Variants in BCAT2 observed in about 807,000 individuals in gnomAD.
BCAT2 encodes branched-chain-amino-acid aminotransferase, mitochondrial.
Under a neutral mutation model 52.9 loss-of-function variants are expected in BCAT2, and 44 were observed. The observed-to-expected ratio is 0.83, with a 90% confidence interval of 0.65 to 1.07. BCAT2 has a LOEUF of 1.07. Ranked by LOEUF, BCAT2 falls within the 50% of genes least tolerant of loss-of-function variation. The probability of loss-of-function intolerance (pLI) is 0.00; values close to 1 mark genes in which losing one functional copy is unlikely to be tolerated. For synonymous variants in BCAT2, 215 were observed against 217.1 expected (o/e 0.99, Z 0.08); for missense variants, 478 against 521.8 (o/e 0.92, Z 0.82).
chr19:48,799,734 C>T lies in BCAT2; in HGVS notation c.636G>A (p.Leu212=). The change falls in exon 6 of 11, where the codon CTG becomes CTA. Residue 212 remains leucine (L), a synonymous_variant. Transcript: ENST00000316273. The surrounding 1 kb of genome is among the most constrained non-coding windows in gnomAD (Gnocchi z 5.5). ...PGGSVTPVSL[L]ADPAFIRAWV... ...AGGCCCGGATGAAGGCTGGGTCGGC[C>T]AGGAGGGAGACCGGGGTCACGGAGC... 1 of 1,593,580 alleles carries T rather than the reference C, an allele frequency of 6.3e-7. No homozygotes were observed. The highest frequency in any genetic ancestry group is 8.5e-7 in the Non-Finnish European group (1 of 1,171,336).
chr19:48,809,066 CAAA>C (rs3057799), intron 1 of BCAT2, among the ~76,000 whole-genome samples: 2 of 28,966 alleles, frequency 6.9e-5, no homozygotes, highest in South Asian at 3.1e-3. Context: ...GAGTGTCTCT[CAAA>C]AAAAAAAAAA....
chr19:48,808,146 G>A, intron 1 of BCAT2: 1 of 986,886 alleles, frequency 1.0e-6, no homozygotes, highest in Non-Finnish European at 1.2e-6. Flanking sequence ...GCTGGTGTGA[G>A]GCTCCAGGGA....
intron 3 of BCAT2, among the ~76,000 whole-genome samples, chr19:48,805,019 A>T (rs1192856961): frequency 6.6e-6 from 1 of 152,094 alleles, no homozygotes; most frequent in Non-Finnish European, 1.5e-5. Flanking sequence ...AAAGGAAAAA[A>T]CAGAGGGAGG....
Position 48,795,129 on chromosome 19 carries a change from C to A in BCAT2, c.*297G>T. 1 of 478,932 alleles carries A rather than the reference C, an allele frequency of 2.1e-6. No individual in the cohort carries two copies. The highest frequency in any genetic ancestry group is 3.7e-6 in the Non-Finnish European group (1 of 267,198). 29.7% of individuals were successfully genotyped at this position (478,932 alleles called of 1,614,324 possible). ...AGAGAAAAAAAAATCAACGGCAGCACCAGGGGTCTGGCCTGAGAACGGAGA... is the reference window on the plus strand; with the variant it reads ...AGAGAAAAAAAAATCAACGGCAGCAACAGGGGTCTGGCCTGAGAACGGAGA... On this transcript the variant is annotated 3_prime_UTR_variant, in exon 11 of 11. Transcript: ENST00000316273.
At chr19:48,797,480 C>G (rs2034553506) in intron 6 of BCAT2, 147 bp from the exon 7 acceptor site, 1 of 994,378 alleles carries the variant, frequency 1.0e-6, no homozygotes, top group Non-Finnish European at 1.5e-6. Context: ...GAATCCTTGA[C>G]TTTTCATTTG....
At chr19:48,800,385 A>G (rs2034633535) in intron 3 of BCAT2, 88 bp from the exon 4 acceptor site, 1 of 1,189,802 alleles carries the variant, frequency 8.4e-7, no homozygotes, top group Non-Finnish European at 1.2e-6. Context: ...ATACACAAAG[A>G]CACAGACAAC....
chr19:48,795,579 A>T, intron 10 of BCAT2, 115 bp from the exon 11 acceptor site: 1 of 1,226,136 alleles, frequency 8.2e-7, no homozygotes. Context: ...CTCACGGGAA[A>T]TGTAGTCCAC....
At chr19:48,808,715 A>G (rs145367136) in intron 1 of BCAT2, among the ~76,000 whole-genome samples, 3,379 of 152,168 alleles carry the variant, frequency 0.022, 124 homozygotes, top group African/African-American at 0.077. Context: ...AGATGGTGCC[A>G]CTGCACTCCA....
intron 1 of BCAT2, chr19:48,808,124 C>T: frequency 1.0e-6 from 1 of 987,176 alleles, no homozygotes; most frequent in Non-Finnish European, 1.2e-6. Flanking sequence ...GATGGGCCTG[C>T]AGCGTGGTCT....
At chr19:48,797,980 G>A (rs373217094) in intron 6 of BCAT2, among the ~76,000 whole-genome samples, 6 of 149,620 alleles carry the variant, frequency 4.0e-5, no homozygotes, top group African/African-American at 7.4e-5. Context: ...CACCATGTCC[G>A]GCTAATTTAT....
chr19:48,801,569 T>A (rs115283589), intron 3 of BCAT2, among the ~76,000 whole-genome samples: 2,564 of 151,992 alleles, frequency 0.017, 67 homozygotes, highest in African/African-American at 0.057. Flanking sequence ...AAACAAAATA[T>A]ATATATATAT....
chr19:48,799,458 G>A lies in BCAT2; in HGVS notation c.695+217C>T, dbSNP rs2034604848. On this transcript the variant is annotated intron_variant, in intron 6 of 10. Transcript: ENST00000316273. This position sits in a 1 kb window ranked among gnomAD's most constrained non-coding sequence, Gnocchi z 5.5. The stretch of plus-strand genomic sequence containing the variant: ...ACCTCCACCCAATGCCTTCCCATCT[G>A]TGAGCCTTTTTGTCCATCTGAAAAA... 1.3e-5 allele frequency: 8 copies of A among 612,014 alleles called. No individual in the cohort carries two copies. The highest frequency in any genetic ancestry group is 1.9e-5 in the African/African-American group (1 of 51,504). 37.9% of individuals were successfully genotyped at this position (612,014 alleles called of 1,614,324 possible).
Position 48,806,598 on chromosome 19 carries a change from C to A in BCAT2, c.219G>T (p.Lys73Asn). ...DHMLMVEWND[K>N]GWGQPRIQPF... ...GCTGGATTCGGGGCTGGCCCCAGCCCTTGTCATTCCATTCCACCATCAGCA... is the reference window on the plus strand; with the variant it reads ...GCTGGATTCGGGGCTGGCCCCAGCCATTGTCATTCCATTCCACCATCAGCA... Residue 73 changes from lysine (K) to asparagine (N), a missense_variant, in exon 3 of 11, where the codon AAG (lysine) becomes AAT (asparagine). Physicochemically the swap from Lys to Asn is moderately conservative, Grantham distance 94. Coordinates refer to ENST00000316273, the MANE Select transcript of BCAT2 (RefSeq NM_001190.4). 1 of 1,614,194 alleles carries A rather than the reference C, an allele frequency of 6.2e-7. No individual in the cohort carries two copies. The highest frequency in any genetic ancestry group is 8.5e-7 in the Non-Finnish European group (1 of 1,180,042).
At chr19:48,808,412 A>AC in intron 1 of BCAT2, 1 of 351,476 alleles carries the variant, frequency 2.8e-6, no homozygotes, top group Non-Finnish European at 4.0e-6. Flanking sequence ...AAAAAAAAAA[A>AC]ACAAAAACAG....
intron 7 of BCAT2, 67 bp from the exon 8 acceptor site, chr19:48,797,089 C>T (rs2034541665): frequency 6.2e-7 from 1 of 1,608,312 alleles, no homozygotes; most frequent in South Asian, 1.1e-5. Flanking sequence ...TTAAGAGCCA[C>T]CCCCTTCCCC....
Position 48,809,217 on chromosome 19 carries a change from G to C in BCAT2, c.24+1767C>G, listed in dbSNP as rs561440982. Among the ~76,000 whole-genome samples the C allele has an allele frequency of 3.3e-5, 5 of 152,096 alleles. No homozygotes were observed. The South Asian group carries it at 1.0e-3, about 32-fold the overall frequency. On this transcript the variant is annotated intron_variant, in intron 1 of 10. Coordinates refer to ENST00000316273, the MANE Select transcript of BCAT2 (RefSeq NM_001190.4). ...TGAGGCGGAGGTTACAGTGAGCCGA[G>C]ATCGTGCCACGGCACTCCAGCCTGA...
Position 48,806,518 on chromosome 19 carries a change from T to A in BCAT2, c.299A>T (p.Gln100Leu). The change falls in exon 3 of 11, where the codon CAG becomes CTG. Residue 100 changes from glutamine to leucine, a missense_variant and splice_region_variant. Gln to Leu is a moderately radical substitution (Grantham distance 113). Coordinates refer to ENST00000316273, the MANE Select transcript of BCAT2 (RefSeq NM_001190.4). ...GAGAGAGGCCGGCCGCCATGCCACC[T>A]GCAGGGAGTAGTGGAGGCTGGAGGA... The part of the protein sequence containing the change: ...PASSSLHYSL[Q>L]LFEGMKAFKG... The A allele has an allele frequency of 6.2e-7, 1 of 1,613,790 alleles. No homozygotes were observed. Among genetic ancestry groups the A allele is most frequent in the Non-Finnish European group, 8.5e-7 (1 of 1,179,994 alleles).
Position 48,795,160 on chromosome 19 carries a change from G to C in BCAT2, c.*266C>G. 1.8e-6 allele frequency: 1 copy of C among 545,580 alleles called. No homozygotes were observed. Among genetic ancestry groups the C allele is most frequent in the South Asian group, 2.3e-5 (1 of 43,138 alleles). 33.8% of individuals were successfully genotyped at this position (545,580 alleles called of 1,614,324 possible). Reference sequence around the variant, plus strand: ...GTCTGGCCTGAGAACGGAGAGATCCGGAATCGGGGCCAAGGTGTATCCTTG... The same window carrying C: ...GTCTGGCCTGAGAACGGAGAGATCCCGAATCGGGGCCAAGGTGTATCCTTG... On this transcript the variant is annotated 3_prime_UTR_variant, in exon 11 of 11. Transcript: ENST00000316273.
chr19:48,808,258 C>T, intron 1 of BCAT2: 1 of 985,404 alleles, frequency 1.0e-6, no homozygotes, highest in Non-Finnish European at 1.2e-6. Flanking sequence ...GATAGGACAC[C>T]CACAGTATGA....
Sources: allele counts gnomAD v4.1 joint callset (sites outside exome capture counted in the v4.1 genomes callset), GRCh38; gene constraint gnomAD v4.1.1; non-coding constraint Gnocchi (gnomAD v3.1); transcripts MANE v1.5; gene names NCBI Gene and HGNC (gene_info 2026-07-23, HGNC 2026-07-21).